Variants in ADCYAP1R1 observed in about 807,000 individuals in gnomAD.
ADCYAP1R1 encodes ADCYAP receptor type I, also known as pituitary adenylate cyclase-activating polypeptide type I receptor.
A neutral mutation model predicts 67.6 loss-of-function variants in ADCYAP1R1; 44 were observed. That is an observed-to-expected ratio of 0.65 (90% CI 0.51 to 0.84). ADCYAP1R1 has a LOEUF of 0.84. Among genes scored for constraint, ADCYAP1R1 ranks in the 40% least tolerant of loss-of-function variants. The probability of loss-of-function intolerance (pLI) is 0.00; values close to 1 mark genes in which losing one functional copy is unlikely to be tolerated. For missense variants in ADCYAP1R1, 477 were observed against 587.9 expected (o/e 0.81, Z 1.95); for synonymous variants, 222 against 219.6 (o/e 1.01, Z -0.10).
Position 31,110,013 on chromosome 7 carries a change from G to C in ADCYAP1R1, c.*3329G>C, listed in dbSNP as rs1354316130. 1.3e-5 allele frequency: 2 copies of C among 152,042 alleles called. No homozygotes were observed. Among genetic ancestry groups the C allele is most frequent in the East Asian group, 1.9e-4 (1 of 5,150 alleles). 9.4% of individuals were successfully genotyped at this position (152,042 alleles called of 1,614,324 possible). ...TTTGTGGAAGAAGGACAGGGAGCTA[G>C]AGCCAAGCCCTAGGCTTGAGAGACA... On this transcript the variant is annotated 3_prime_UTR_variant, in exon 16 of 16. Coordinates refer to ENST00000304166, the MANE Select transcript of ADCYAP1R1 (RefSeq NM_001118.5).
intron 1 of ADCYAP1R1, among the ~76,000 whole-genome samples, chr7:31,059,095 G>A (rs564897536): frequency 6.8e-4 from 103 of 152,246 alleles, no homozygotes; most frequent in African/African-American, 2.1e-3. Flanking sequence ...ATTGTGACAC[G>A]GTGCTGTGGG....
chr7:31,087,505 C>A, intron 11 of ADCYAP1R1, 122 bp from the exon 12 acceptor site: 2 of 825,756 alleles, frequency 2.4e-6, no homozygotes, highest in Non-Finnish European at 4.1e-6. Context: ...TCCAGCCAGC[C>A]CCTCCTCAGA....
At position 31,084,816 on chromosome 7, in the gene ADCYAP1R1, T is replaced by A; in HGVS notation, c.518T>A (p.Val173Asp). 1 of 1,614,092 alleles carries A rather than the reference T, an allele frequency of 6.2e-7. No homozygotes were observed. The highest frequency in any genetic ancestry group is 8.5e-7 in the Non-Finnish European group (1 of 1,179,974). The change falls in exon 8 of 16, where the codon GTC becomes GAC. Residue 173 changes from valine to aspartate, a missense_variant. Transcript: ENST00000304166. The part of the protein sequence containing the change: ...TSLVTLTTAM[V>D]ILCRFRKLHC... ...CTCGTCACCCTCACCACTGCCATGG[T>A]CATCCTTTGTCGCTTCCGGTGAGAC...
intron 1 of ADCYAP1R1, among the ~76,000 whole-genome samples, chr7:31,061,596 G>A (rs1794503663): frequency 6.6e-6 from 1 of 152,210 alleles, no homozygotes; most frequent in Non-Finnish European, 1.5e-5. Flanking sequence ...AGGCTTCTCG[G>A]AGCATCTCTT....
chr7:31,083,397 G>A (rs1795595516), intron 6 of ADCYAP1R1, among the ~76,000 whole-genome samples: 1 of 152,188 alleles, frequency 6.6e-6, no homozygotes, highest in African/African-American at 2.4e-5. Context: ...TCATTTAATG[G>A]CCATGACTGA....
intron 3 of ADCYAP1R1, among the ~76,000 whole-genome samples, chr7:31,065,787 C>T (rs534512689): frequency 5.3e-5 from 8 of 152,302 alleles, no homozygotes; most frequent in African/African-American, 1.4e-4. Flanking sequence ...GGACTGGCTC[C>T]GTGCTGCCTA....
chr7:31,068,398 G>C (rs1794839447), intron 3 of ADCYAP1R1, among the ~76,000 whole-genome samples: 1 of 152,180 alleles, frequency 6.6e-6, no homozygotes, highest in African/African-American at 2.4e-5. Context: ...GCATGTGGAT[G>C]GTTCTGGAGT....
intron 4 of ADCYAP1R1, among the ~76,000 whole-genome samples, chr7:31,080,196 A>T (rs916633417): frequency 6.6e-6 from 1 of 152,198 alleles, no homozygotes; most frequent in African/African-American, 2.4e-5. Context: ...TTTACACCTG[A>T]TTCTTAATGG....
At chr7:31,080,738 TG>T in intron 5 of ADCYAP1R1, 105 bp downstream of exon 5, 1 of 1,224,196 alleles carries the variant, frequency 8.2e-7, no homozygotes, top group Non-Finnish European at 1.2e-6. Flanking sequence ...GGGGTGGGGG[TG>T]GAGTAAGAGG....
rs1796820503 is a variant in ADCYAP1R1 at position 31,110,494 on chromosome 7, C to G, written c.*3810C>G. 1 of 152,150 alleles carries G rather than the reference C, an allele frequency of 6.6e-6. No homozygotes were observed. The highest frequency in any genetic ancestry group is 2.1e-4 in the South Asian group (1 of 4,828). The allele number at this position is 152,150 out of a possible 1,614,324, so 9.4% of individuals were successfully genotyped here. A position where few individuals can be genotyped will look rare whatever the true frequency, so the allele number is the denominator to read the frequency against. On this transcript the variant is annotated 3_prime_UTR_variant, in exon 16 of 16. Coordinates refer to ENST00000304166, the MANE Select transcript of ADCYAP1R1 (RefSeq NM_001118.5). ...CACGCAGGCCTAGCATGGTGCCTGC[C>G]ACCATGGTGGGATCCAGTATGTTTT...
Position 31,106,904 on chromosome 7 carries a change from G to A in ADCYAP1R1, c.*220G>A. The A allele has an allele frequency of 3.6e-6, 2 of 560,736 alleles. No individual in the cohort carries two copies. Among genetic ancestry groups the A allele is most frequent in the Non-Finnish European group, 6.1e-6 (2 of 329,342 alleles). The allele number at this position is 560,736 out of a possible 1,614,324, so 34.7% of individuals were successfully genotyped here. ...TGTGGTCCCCTGGGCCCTGACCCCA[G>A]ACATGTAAATACTCCTCAAATTTGG... On this transcript the variant is annotated 3_prime_UTR_variant, in exon 16 of 16. Transcript: ENST00000304166.
At chr7:31,055,032 GC>G (rs540157320) in intron 1 of ADCYAP1R1, among the ~76,000 whole-genome samples, 30 of 152,216 alleles carry the variant, frequency 2.0e-4, no homozygotes, top group Non-Finnish European at 4.1e-4. Context: ...CTCCTCAGCT[GC>G]GACGTGTTTG....
At chr7:31,083,883 G>C (rs1456091802) in intron 6 of ADCYAP1R1, among the ~76,000 whole-genome samples, 1 of 152,176 alleles carries the variant, frequency 6.6e-6, no homozygotes, top group Non-Finnish European at 1.5e-5. Flanking sequence ...ATGAGCATTT[G>C]GAAATGTTCG....
Position 31,103,234 on chromosome 7 carries a change from C to T in ADCYAP1R1, c.1047-3C>T, listed in dbSNP as rs766897851. The T allele has an allele frequency of 1.2e-6, 2 of 1,613,760 alleles. No individual in the cohort carries two copies. Among genetic ancestry groups the T allele is most frequent in the Non-Finnish European group, 1.7e-6 (2 of 1,179,868 alleles). ...GAGCAGATGTTTTGCTTTCCTCCGA[C>T]AGGCGACTGGCCCGGTCCACCCTGC... On this transcript the variant is annotated splice_polypyrimidine_tract_variant and splice_region_variant and intron_variant, in intron 13 of 15. Transcript: ENST00000304166.
At position 31,085,408 on chromosome 7, in the gene ADCYAP1R1, C is replaced by T. The variant is rs202221286; in HGVS notation, c.635C>T (p.Ala212Val). ...TTCATCAAAGACTGGATTCTGTATG[C>T]GGAGCAGGACAGCAACCACTGCTTC... ...SVFIKDWILY[A>V]EQDSNHCFIS... The change falls in exon 9 of 16, where the codon GCG becomes GTG. Residue 212 changes from alanine to valine, a missense_variant. Coordinates refer to ENST00000304166, the MANE Select transcript of ADCYAP1R1 (RefSeq NM_001118.5). 246 of 1,613,712 alleles carry T rather than the reference C, an allele frequency of 1.5e-4. No individual in the cohort carries two copies. The highest frequency in any genetic ancestry group is 1.9e-4 in the Non-Finnish European group (224 of 1,179,996).
chr7:31,083,345 G>C (rs1795593158), intron 6 of ADCYAP1R1, among the ~76,000 whole-genome samples: 1 of 152,154 alleles, frequency 6.6e-6, no homozygotes, highest in African/African-American at 2.4e-5. Flanking sequence ...CCTGGGCAGG[G>C]CAAAAACCAG....
chr7:31,059,728 C>T (rs967996697), intron 1 of ADCYAP1R1, among the ~76,000 whole-genome samples: 1 of 152,128 alleles, frequency 6.6e-6, no homozygotes, highest in Admixed American at 6.5e-5. Context: ...AGTCTGTAAG[C>T]TCTGAGCGTT....
chr7:31,059,152 G>A (rs1469970931), intron 1 of ADCYAP1R1, among the ~76,000 whole-genome samples: 1 of 152,126 alleles, frequency 6.6e-6, no homozygotes, highest in African/African-American at 2.4e-5. Flanking sequence ...ACACAAAGTG[G>A]TGAGATAATA....
chr7:31,106,720 A>T lies in ADCYAP1R1; in HGVS notation c.*36A>T. 1 of 1,551,652 alleles carries T rather than the reference A, an allele frequency of 6.4e-7. No individual in the cohort carries two copies. Among genetic ancestry groups the T allele is most frequent in the Non-Finnish European group, 8.7e-7 (1 of 1,148,278 alleles). Reference sequence around the variant, plus strand: ...CCTCCTCCTCCTCTCCTCCATCCACAGGCTGGGACCGCAGGCAGGTGCCAG... The same window carrying T: ...CCTCCTCCTCCTCTCCTCCATCCACTGGCTGGGACCGCAGGCAGGTGCCAG... On this transcript the variant is annotated 3_prime_UTR_variant, in exon 16 of 16. Transcript: ENST00000304166.
Sources: allele counts gnomAD v4.1 joint callset (sites outside exome capture counted in the v4.1 genomes callset), GRCh38; gene constraint gnomAD v4.1.1; transcripts MANE v1.5; gene names NCBI Gene and HGNC (gene_info 2026-07-23, HGNC 2026-07-21).